CHST15: variants seen among roughly 807,000 people sequenced by gnomAD.
CHST15 encodes carbohydrate sulfotransferase 15, also known as B cell RAG associated protein (GALNAC4S-6ST).
A neutral mutation model predicts 53.6 loss-of-function variants in CHST15; 30 were observed. The observed-to-expected ratio is 0.56, with a 90% CI of 0.42 to 0.76. The LOEUF (loss-of-function observed/expected upper bound fraction) is 0.76, where lower values mean the gene tolerates loss of function less well. CHST15 is among the 30% of genes least tolerant of loss of function. The probability of loss-of-function intolerance (pLI) is 0.00; values close to 1 mark genes in which losing one functional copy is unlikely to be tolerated. For missense variants in CHST15, 627 were observed against 740.5 expected, an observed-to-expected ratio of 0.85 and a Z score of 1.78; for synonymous variants, 296 against 289.8, an observed-to-expected ratio of 1.02 and a Z score of -0.22.
intron 3 of CHST15, among the ~76,000 whole-genome samples, chr10:124,043,404 C>T (rs1214595573): frequency 6.6e-6 from 1 of 152,242 alleles, no homozygotes; most frequent in Non-Finnish European, 1.5e-5. Flanking sequence ...GAAACATTTA[C>T]ACTTTAGCTC....
chr10:124,007,942 G>A lies in CHST15; in HGVS notation c.*2207C>T, dbSNP rs1946315126. The A allele has an allele frequency of 8.1e-7, 1 of 1,231,040 alleles. No homozygotes were observed. The highest frequency in any genetic ancestry group is 1.0e-6 in the Non-Finnish European group (1 of 987,864). 76.3% of individuals were successfully genotyped at this position (1,231,040 alleles called of 1,614,324 possible). ...AACCTATTCTGTCAGCAAGAGCCGG[G>A]CCTCGAATGAGAGGAAGCAGAGGCA... On this transcript the variant is annotated 3_prime_UTR_variant, in exon 8 of 8. Coordinates refer to ENST00000435907, the MANE Select transcript of CHST15 (RefSeq NM_001270764.2).
intron 1 of CHST15, among the ~76,000 whole-genome samples, chr10:124,058,680 C>A (rs948859747): frequency 6.6e-6 from 1 of 152,196 alleles, no homozygotes; most frequent in African/African-American, 2.4e-5. Context: ...CTACAAGATT[C>A]ATAAAAGGCC....
chr10:124,012,972 A>C (rs1323346750), intron 6 of CHST15, among the ~76,000 whole-genome samples: 2 of 152,216 alleles, frequency 1.3e-5, no homozygotes, highest in African/African-American at 4.8e-5. Flanking sequence ...GTAATTCAGC[A>C]TCTAATCATT....
intron 1 of CHST15, among the ~76,000 whole-genome samples, chr10:124,062,027 A>C (rs1211431292): frequency 1.6e-4 from 22 of 141,562 alleles, no homozygotes; most frequent in Middle Eastern, 3.5e-3. Context: ...AAAAAAAAAA[A>C]CCCTTCTATT....
At position 124,010,332 on chromosome 10, in the gene CHST15, T is replaced by G. The variant is rs779659372; in HGVS notation, c.1503A>C (p.Leu501Phe). ...TCATCAAAGCCTCCTGCTTCTCACT[T>G]AAGGGCCCTAGAATAAAAGAAGACG... ...KVFQFLNLGP[L>F]SEKQEALMTK... The change falls in exon 8 of 8, where the codon TTA (leucine) becomes TTC (phenylalanine). Residue 501 changes from leucine to phenylalanine, a missense_variant. Transcript: ENST00000435907. 2 of 1,594,714 alleles carry G rather than the reference T, an allele frequency of 1.3e-6. No individual in the cohort carries two copies. The highest frequency in any genetic ancestry group is 1.7e-6 in the Non-Finnish European group (2 of 1,169,716).
chr10:124,018,359 G>A (rs958739237), intron 6 of CHST15, among the ~76,000 whole-genome samples: 1 of 152,240 alleles, frequency 6.6e-6, no homozygotes, highest in Non-Finnish European at 1.5e-5. Context: ...TAATAATGCT[G>A]GGGAATTTCC....
intron 1 of CHST15, among the ~76,000 whole-genome samples, chr10:124,057,207 A>C (rs1948413619): frequency 6.6e-6 from 1 of 152,170 alleles, no homozygotes; most frequent in East Asian, 1.9e-4. Context: ...TGGCCATAAC[A>C]CTCATGGGTG....
intron 4 of CHST15, 78 bp downstream of exon 4, chr10:124,042,223 G>C: frequency 6.8e-7 from 1 of 1,465,496 alleles, no homozygotes; most frequent in Non-Finnish European, 9.3e-7. Flanking sequence ...AGGTGAAGCA[G>C]AGCTGGGCTA....
At chr10:124,061,850 A>G (rs1030403616) in intron 1 of CHST15, among the ~76,000 whole-genome samples, 1 of 152,100 alleles carries the variant, frequency 6.6e-6, no homozygotes, top group Admixed American at 6.5e-5. Context: ...GAAATAGGGA[A>G]TTGAAATGAG....
intron 1 of CHST15, among the ~76,000 whole-genome samples, chr10:124,070,883 C>T (rs1048222590): frequency 1.3e-5 from 2 of 152,184 alleles, no homozygotes; most frequent in Admixed American, 6.5e-5. Context: ...GGCTCACCTG[C>T]GAGTCCCTGC....
chr10:124,021,497 T>C, intron 5 of CHST15, 85 bp from the exon 6 acceptor site: 1 of 1,534,684 alleles, frequency 6.5e-7, no homozygotes, highest in Non-Finnish European at 8.8e-7. Flanking sequence ...AGTGTACAAT[T>C]ACATTATCTA....
chr10:124,035,264 C>CACCCCTAACAGGGACCCTGGCTCT (rs1947435186), intron 5 of CHST15, among the ~76,000 whole-genome samples: 1 of 126,538 alleles, frequency 7.9e-6, no homozygotes, highest in African/African-American at 3.0e-5. Flanking sequence ...ACCCTGGCTC[C>CACCCCTAACAGGGACCCTGGCTCT]ACCCCTAACA....
chr10:124,077,633 G>A lies in CHST15; in HGVS notation c.-513+15836C>T, dbSNP rs143032497. Among the ~76,000 whole-genome samples the A allele has an allele frequency of 2.6e-5, 4 of 152,280 alleles. No individual in the cohort carries two copies. In the East Asian group the frequency reaches 7.7e-4, roughly 29 times the overall value. ...GTTAGTTTCTGCAACTCATCCCCAA[G>A]CCTGTGCAGTTTAAACACCATTTAC... On this transcript the variant is annotated intron_variant, in intron 1 of 7. Coordinates refer to ENST00000435907, the MANE Select transcript of CHST15 (RefSeq NM_001270764.2).
rs1247516983 is a variant in CHST15, at chr10:124,036,610, A to G, written c.1190+1905T>C. ...CTTTAAAGCATGTTTCTGGGGGGCA[A>G]CAATGCAAAGTGAAAGAAGCAGGAC... On this transcript the variant is annotated intron_variant, in intron 5 of 7. Transcript: ENST00000435907. The surrounding 1 kb of genome is among the most constrained non-coding windows in gnomAD (Gnocchi z 5.1). Among the ~76,000 whole-genome samples, 2 of 152,170 alleles carry G rather than the reference A, an allele frequency of 1.3e-5. No homozygotes were observed. Among genetic ancestry groups the G allele is most frequent in the African/African-American group, 4.8e-5 (2 of 41,438 alleles).
chr10:124,044,207 G>GCGGCACAGAGCTGGGAA (rs1947867133), intron 3 of CHST15, among the ~76,000 whole-genome samples: 1 of 151,308 alleles, frequency 6.6e-6, no homozygotes, highest in African/African-American at 2.4e-5. Context: ...AGAGCTGGGA[G>GCGGCACAGAGCTGGGAA]CGGCACAGAG....
rs544884335 is a variant in CHST15, at chr10:124,074,101, G to A, written c.-513+19368C>T. ...CCTCTTTCCATAGAAGACTTTCTCA[G>A]GACAGAAGTGGGTGTGATTAGCGCA... On this transcript the variant is annotated intron_variant, in intron 1 of 7. Transcript: ENST00000435907. This position sits in a 1 kb window ranked among gnomAD's most constrained non-coding sequence, Gnocchi z 4.4. Among the ~76,000 whole-genome samples the A allele has an allele frequency of 7.8e-4, 119 of 152,320 alleles. No individual in the cohort carries two copies. Among genetic ancestry groups the A allele is most frequent in the Non-Finnish European group, 1.3e-3 (89 of 68,030 alleles).
chr10:124,012,435 GCC>G lies in CHST15; in HGVS notation c.1391_1392del (p.Trp464SerfsTer5). 1 of 1,614,166 alleles carries G rather than the reference GCC, an allele frequency of 6.2e-7. No individual in the cohort carries two copies. Among genetic ancestry groups the G allele is most frequent in the Non-Finnish European group, 8.5e-7 (1 of 1,180,022 alleles). ...VGLYAVYLLD[W>X]LSVFDKQQFL... ...AACTGTTGCTTGTCAAAAACGCTGA[GCC>G]AGTCCAGAAGGTACACAGCATAGAG... On this transcript the variant is annotated frameshift_variant, in exon 7 of 8. Transcript: ENST00000435907. LOFTEE classifies it high-confidence loss of function.
At chr10:124,068,229 T>C (rs1564904388) in intron 1 of CHST15, among the ~76,000 whole-genome samples, 1 of 152,166 alleles carries the variant, frequency 6.6e-6, no homozygotes, top group Non-Finnish European at 1.5e-5. Context: ...GAGTGGCAGT[T>C]ACCAGGACAT....
At chr10:124,063,878 G>T (rs1948669816) in intron 1 of CHST15, among the ~76,000 whole-genome samples, 1 of 152,196 alleles carries the variant, frequency 6.6e-6, no homozygotes, top group Non-Finnish European at 1.5e-5. Flanking sequence ...GAAGGGAGAA[G>T]TGAGAGTCAG....
Sources: gnomAD v4.1 joint callset for allele counts (sites outside exome capture counted in the v4.1 genomes callset) on GRCh38, gnomAD v4.1.1 for gene constraint, Gnocchi (gnomAD v3.1) non-coding constraint, MANE v1.5 for transcripts, NCBI Gene and HGNC (gene_info 2026-07-23, HGNC 2026-07-21) for gene names.